HS3ST3A1: variants seen among roughly 807,000 people sequenced by gnomAD.
HS3ST3A1 encodes the protein heparan sulfate-glucosamine 3-sulfotransferase 3A1.
HS3ST3A1 carries 19 observed loss-of-function variants against 25.7 expected under a neutral mutation model. That is an observed-to-expected ratio of 0.74 (90% CI 0.52 to 1.08). The LOEUF is 1.08. HS3ST3A1 is among the 50% of genes least tolerant of loss of function. The pLI, the probability that HS3ST3A1 is intolerant of heterozygous loss-of-function variation, is 0.00. For synonymous variants in HS3ST3A1, 226 were observed against 278.6 expected, an observed-to-expected ratio of 0.81 and a Z score of 1.88; for missense variants, 459 against 594.3, an observed-to-expected ratio of 0.77 and a Z score of 2.37.
intron 1 of HS3ST3A1, among the ~76,000 whole-genome samples, chr17:13,512,685 T>C (rs1598410081): frequency 6.6e-6 from 1 of 152,328 alleles, no homozygotes; most frequent in Admixed American, 6.5e-5. Flanking sequence ...CTTTAGACCA[T>C]TGCTGTCAGT....
chr17:13,512,583 C>CA (rs1374809836), intron 1 of HS3ST3A1, among the ~76,000 whole-genome samples: 1 of 152,182 alleles, frequency 6.6e-6, no homozygotes, highest in Non-Finnish European at 1.5e-5. Flanking sequence ...TTTTGAACCA[C>CA]AAACACTGGA....
At chr17:13,532,912 C>T (rs969391025) in intron 1 of HS3ST3A1, among the ~76,000 whole-genome samples, 127 of 126,510 alleles carry the variant, frequency 1.0e-3, no homozygotes, top group African/African-American at 3.0e-3. Flanking sequence ...TATATACACA[C>T]ACACACACAC....
intron 1 of HS3ST3A1, among the ~76,000 whole-genome samples, chr17:13,567,058 G>T (rs1421218427): frequency 6.6e-6 from 1 of 152,212 alleles, no homozygotes; most frequent in Non-Finnish European, 1.5e-5. Flanking sequence ...TGGCTTCAAA[G>T]TTTCAAGGAC....
At chr17:13,564,719 CTTTTTTT>C (rs397812904) in intron 1 of HS3ST3A1, among the ~76,000 whole-genome samples, 7 of 124,294 alleles carry the variant, frequency 5.6e-5, no homozygotes, top group Admixed American at 8.4e-5. Context: ...GACTTCTTTC[CTTTTTTT>C]TTTTTTTTTT....
intron 1 of HS3ST3A1, among the ~76,000 whole-genome samples, chr17:13,545,815 C>A (rs7211684): frequency 0.44 from 66,931 of 151,848 alleles, 16,326 homozygotes; most frequent in African/African-American, 0.66. Flanking sequence ...TCTCTAATAA[C>A]AATACAAAAA....
chr17:13,580,872 C>G (rs181029390), intron 1 of HS3ST3A1, among the ~76,000 whole-genome samples: 46 of 151,886 alleles, frequency 3.0e-4, no homozygotes, highest in African/African-American at 1.1e-3. Context: ...GCCTGGGCAA[C>G]AAGAGCAAAA....
chr17:13,549,306 A>G (rs1271052809), intron 1 of HS3ST3A1, among the ~76,000 whole-genome samples: 2 of 152,178 alleles, frequency 1.3e-5, no homozygotes, highest in Non-Finnish European at 2.9e-5. Flanking sequence ...TGAACATCCG[A>G]AGGAACAAAC....
At chr17:13,547,043 T>C (rs1907109223) in intron 1 of HS3ST3A1, among the ~76,000 whole-genome samples, 1 of 152,212 alleles carries the variant, frequency 6.6e-6, no homozygotes, top group African/African-American at 2.4e-5. Context: ...GAATATACAT[T>C]AGATTTAATG....
intron 1 of HS3ST3A1, among the ~76,000 whole-genome samples, chr17:13,515,836 A>G (rs1001812791): frequency 6.6e-6 from 1 of 152,150 alleles, no homozygotes; most frequent in African/African-American, 2.4e-5. Flanking sequence ...AATTTTAGCC[A>G]TTCTAATAGT....
chr17:13,558,026 G>C (rs994169576), intron 1 of HS3ST3A1, among the ~76,000 whole-genome samples: 6 of 152,176 alleles, frequency 3.9e-5, no homozygotes, highest in African/African-American at 9.6e-5. Context: ...CATAAGACCT[G>C]GGAGCAGATT....
chr17:13,539,934 T>C (rs902011034), intron 1 of HS3ST3A1, among the ~76,000 whole-genome samples: 4 of 152,204 alleles, frequency 2.6e-5, no homozygotes, highest in African/African-American at 9.6e-5. Context: ...TCAAAATGTG[T>C]CACTAGAGCT....
At chr17:13,594,371 C>G (rs768122866) in intron 1 of HS3ST3A1, among the ~76,000 whole-genome samples, 1 of 152,092 alleles carries the variant, frequency 6.6e-6, no homozygotes, top group African/African-American at 2.4e-5. Flanking sequence ...CCTGTCCTGT[C>G]GGAACTCTCA....
chr17:13,600,152 G>GGGCTTCCTTGGGAAGGAGAA (rs1355358573), intron 1 of HS3ST3A1, among the ~76,000 whole-genome samples: 7 of 152,262 alleles, frequency 4.6e-5, no homozygotes, highest in African/African-American at 1.2e-4. Flanking sequence ...GAATGAAAAC[G>GGGCTTCCTTGGGAAGGAGAA]GGCTTCCTTG....
chr17:13,550,776 A>G (rs1210297542), intron 1 of HS3ST3A1, among the ~76,000 whole-genome samples: 1 of 152,110 alleles, frequency 6.6e-6, no homozygotes, highest in Non-Finnish European at 1.5e-5. Flanking sequence ...ATTTTTTAAA[A>G]ATTCAAATCA....
At chr17:13,550,700 A>G (rs1292040983) in intron 1 of HS3ST3A1, among the ~76,000 whole-genome samples, 1 of 145,906 alleles carries the variant, frequency 6.9e-6, no homozygotes, top group Non-Finnish European at 1.5e-5. Context: ...ATGGAAGGCA[A>G]ACACCAAAAC....
intron 1 of HS3ST3A1, among the ~76,000 whole-genome samples, chr17:13,522,751 C>T (rs929334080): frequency 1.3e-5 from 2 of 150,904 alleles, no homozygotes; most frequent in African/African-American, 4.9e-5. Context: ...AAAACTGAAA[C>T]AATAAAAAAA....
chr17:13,514,932 TA>T (rs1906002844), intron 1 of HS3ST3A1, among the ~76,000 whole-genome samples: 1 of 152,122 alleles, frequency 6.6e-6, no homozygotes, highest in African/African-American at 2.4e-5. Context: ...TTTATATCAA[TA>T]AAAGCCATAT....
chr17:13,576,603 A>G (rs62053902), intron 1 of HS3ST3A1, among the ~76,000 whole-genome samples: 47,240 of 152,126 alleles, frequency 0.31, 9,207 homozygotes, highest in African/African-American at 0.54. Flanking sequence ...ATTATTAAAG[A>G]AAAGAGCATC....
At chr17:13,561,469 C>A (rs1023727360) in intron 1 of HS3ST3A1, among the ~76,000 whole-genome samples, 8 of 151,894 alleles carry the variant, frequency 5.3e-5, no homozygotes, top group Non-Finnish European at 1.0e-4. Flanking sequence ...TCACTGCAAC[C>A]TCCTCCTCCT....
Sources: allele counts gnomAD v4.1 joint callset (sites outside exome capture counted in the v4.1 genomes callset), GRCh38; gene constraint gnomAD v4.1.1; transcripts MANE v1.5; gene names NCBI Gene and HGNC (gene_info 2026-07-23, HGNC 2026-07-21).